The following NAA50 variants were observed in gnomAD, a reference collection of about 807,000 sequenced individuals.
NAA50 encodes N-alpha-acetyltransferase 50, NatE catalytic subunit.
NAA50 carries 7 observed loss-of-function variants against 20.7 expected under a neutral mutation model. That is an observed-to-expected ratio of 0.34 (90% CI 0.19 to 0.63). The LOEUF (loss-of-function observed/expected upper bound fraction) is 0.63, where lower values mean the gene tolerates loss of function less well. NAA50 is among the 30% of genes least tolerant of loss of function. The pLI is 0.75. For synonymous variants in NAA50, 54 were observed against 70.6 expected (o/e 0.77, Z 1.18); for missense variants, 111 against 199.1 (o/e 0.56, Z 2.66).
chr3:113,741,587 A>G (rs933604767), intron 1 of NAA50, among the ~76,000 whole-genome samples: 4 of 152,270 alleles, frequency 2.6e-5, no homozygotes, highest in Non-Finnish European at 5.9e-5. Context: ...TCCCAGTAAC[A>G]CTTCCCACTC....
chr3:113,739,536 G>C (rs1266142712), intron 1 of NAA50: 4 of 152,190 alleles, frequency 2.6e-5, no homozygotes. Context: ...AGGGGACTGA[G>C]GTAAGAAGCC....
chr3:113,737,528 G>C (rs949242930), intron 1 of NAA50, among the ~76,000 whole-genome samples: 1 of 152,092 alleles, frequency 6.6e-6, no homozygotes, highest in Non-Finnish European at 1.5e-5. Flanking sequence ...GTCCTTACAA[G>C]GCACCTCTGC....
At chr3:113,738,364 A>C (rs978900221) in intron 1 of NAA50, among the ~76,000 whole-genome samples, 1 of 152,246 alleles carries the variant, frequency 6.6e-6, no homozygotes, top group Non-Finnish European at 1.5e-5. Context: ...TGATCTCTAC[A>C]AGAATCTCAA....
chr3:113,731,717 A>G (rs1708276083), intron 1 of NAA50, among the ~76,000 whole-genome samples: 2 of 152,220 alleles, frequency 1.3e-5, no homozygotes, highest in African/African-American at 4.8e-5. Context: ...GAAGCACACA[A>G]GAAAAGTGAT....
At chr3:113,733,767 C>T (rs1291373762) in intron 1 of NAA50, among the ~76,000 whole-genome samples, 5 of 139,920 alleles carry the variant, frequency 3.6e-5, no homozygotes, top group African/African-American at 1.1e-4. Context: ...GCAGGAGAAT[C>T]GTTTGAACCT....
At chr3:113,733,449 A>T (rs1708295918) in intron 1 of NAA50, among the ~76,000 whole-genome samples, 1 of 152,186 alleles carries the variant, frequency 6.6e-6, no homozygotes, top group African/African-American at 2.4e-5. Flanking sequence ...ATCTATTTTT[A>T]AAAGACATTT....
intron 1 of NAA50, among the ~76,000 whole-genome samples, chr3:113,725,746 TGACA>T (rs1708191181): frequency 6.6e-6 from 1 of 152,102 alleles, no homozygotes; most frequent in Non-Finnish European, 1.5e-5. Context: ...CCAGCCTGGG[TGACA>T]GACTGTCTCA....
chr3:113,740,039 C>A (rs1559742302), intron 1 of NAA50, among the ~76,000 whole-genome samples: 1 of 151,262 alleles, frequency 6.6e-6, no homozygotes, highest in Non-Finnish European at 1.5e-5. Context: ...AGTTTAGTAT[C>A]CACATTTACA....
chr3:113,722,162 T>A (rs1339032985), intron 4 of NAA50, among the ~76,000 whole-genome samples: 1 of 152,134 alleles, frequency 6.6e-6, no homozygotes, highest in African/African-American at 2.4e-5. Context: ...GGCTCAGTGT[T>A]TATTCTTGTA....
In NAA50 at chr3:113,721,830, G is replaced by C. The variant is rs1441790826; in HGVS notation, c.440C>G (p.Ala147Gly). 6.2e-7 allele frequency: 1 copy of C among 1,613,872 alleles called. No individual in the cohort carries two copies. Among genetic ancestry groups the C allele is most frequent in the East Asian group, 2.2e-5 (1 of 44,870 alleles). The change falls in exon 5 of 5, where the codon GCT (alanine) becomes GGT (glycine). Residue 147 changes from alanine to glycine, a missense_variant. Coordinates refer to ENST00000240922, the MANE Select transcript of NAA50 (RefSeq NM_025146.4). The stretch of plus-strand genomic sequence containing the variant: ...TTTGAGGTTTTTCTGCAGCACATGA[G>C]CATCTGCGGGCTCTATCCTCTTATA... ...NYYKRIEPAD[A>G]HVLQKNLKVP... is the part of the protein sequence containing the mutation.
At position 113,723,400 on chromosome 3, in the gene NAA50, T is replaced by TA. The variant is rs780135088; in HGVS notation, c.265+21dup. 51 of 1,590,698 alleles carry TA rather than the reference T, an allele frequency of 3.2e-5. No homozygotes were observed. The Admixed American group carries it at 3.4e-4, about 11-fold the overall frequency. On this transcript the variant is annotated intron_variant, in intron 3 of 4. Coordinates refer to ENST00000240922, the MANE Select transcript of NAA50 (RefSeq NM_025146.4). The stretch of plus-strand genomic sequence containing the variant: ...ATATGTTTATGCTTCTCTGAAGAAG[T>TA]AAAAAAACCACAATTTTTTACCTAT...
At chr3:113,731,982 G>C (rs570412400) in intron 1 of NAA50, among the ~76,000 whole-genome samples, 5 of 152,228 alleles carry the variant, frequency 3.3e-5, no homozygotes, top group African/African-American at 1.2e-4. Flanking sequence ...TAGATAACTG[G>C]AAGTGGGATT....
At chr3:113,741,149 T>C (rs2077022427) in intron 1 of NAA50, 1 of 542,582 alleles carries the variant, frequency 1.8e-6, no homozygotes, top group African/African-American at 1.9e-5. Context: ...GAAACACACA[T>C]AATTTGGCTT....
intron 1 of NAA50, 62 bp downstream of exon 1, chr3:113,745,880 T>G (rs1708490114): frequency 3.2e-6 from 5 of 1,565,504 alleles, no homozygotes; most frequent in Non-Finnish European, 4.3e-6. Flanking sequence ...GCTCTCCCCC[T>G]CTACATGGGC....
chr3:113,737,578 T>C (rs1577072206), intron 1 of NAA50, among the ~76,000 whole-genome samples: 1 of 152,234 alleles, frequency 6.6e-6, no homozygotes, highest in Non-Finnish European at 1.5e-5. Context: ...ACCTCTTCTA[T>C]AAAACTATAA....
rs201015161 is a variant in NAA50 at position 113,723,396 on chromosome 3, G to T, written c.265+26C>A. 799 of 1,587,268 alleles carry T rather than the reference G, an allele frequency of 5.0e-4. 1 individual carries two copies. The highest frequency in any genetic ancestry group is 1.0e-3 in the Admixed American group (56 of 55,164). On this transcript the variant is annotated intron_variant, in intron 3 of 4. Coordinates refer to ENST00000240922, the MANE Select transcript of NAA50 (RefSeq NM_025146.4). Reference sequence around the variant, plus strand: ...AATAATATGTTTATGCTTCTCTGAAGAAGTAAAAAAACCACAATTTTTTAC... The same window carrying T: ...AATAATATGTTTATGCTTCTCTGAATAAGTAAAAAAACCACAATTTTTTAC...
intron 1 of NAA50, among the ~76,000 whole-genome samples, chr3:113,738,718 ATT>A (rs1490167397): frequency 4.6e-5 from 7 of 152,196 alleles, no homozygotes; most frequent in African/African-American, 7.2e-5. Flanking sequence ...TGCTTTTTGC[ATT>A]ATAGTAAGTT....
At chr3:113,732,156 T>G (rs1376358116) in intron 1 of NAA50, among the ~76,000 whole-genome samples, 1 of 152,212 alleles carries the variant, frequency 6.6e-6, no homozygotes, top group African/African-American at 2.4e-5. Flanking sequence ...GATTAAGATC[T>G]TGAGATGTGA....
chr3:113,730,394 C>T (rs1460208085), intron 1 of NAA50, among the ~76,000 whole-genome samples: 3 of 151,364 alleles, frequency 2.0e-5, no homozygotes, highest in Non-Finnish European at 4.4e-5. Flanking sequence ...AACTGTTCTT[C>T]ATTTTCCTGC....
Sources: allele counts gnomAD v4.1 joint callset (sites outside exome capture counted in the v4.1 genomes callset), GRCh38; gene constraint gnomAD v4.1.1; transcripts MANE v1.5; gene names NCBI Gene and HGNC (gene_info 2026-07-23, HGNC 2026-07-21).